The following GSTCD variants were observed in gnomAD, a reference collection of about 807,000 sequenced individuals.
GSTCD encodes the protein glutathione S-transferase C-terminal domain containing.
In GSTCD, 44 loss-of-function variants were observed where a neutral mutation model predicts 68.3. The ratio of observed to expected loss-of-function variants is 0.64; its 90% CI spans 0.51 to 0.83. The LOEUF (loss-of-function observed/expected upper bound fraction) is 0.83, where lower values mean the gene tolerates loss of function less well. Among genes scored for constraint, GSTCD ranks in the 40% least tolerant of loss-of-function variants. The pLI, the probability that GSTCD is intolerant of heterozygous loss-of-function variation, is 0.00. For missense variants in GSTCD, 739 were observed against 735.9 expected (o/e 1.00, Z -0.05); for synonymous variants, 273 against 255.2 (o/e 1.07, Z -0.67).
intron 5 of GSTCD, among the ~76,000 whole-genome samples, chr4:105,809,947 G>T (rs911119327): frequency 1.3e-5 from 2 of 151,614 alleles, no homozygotes; most frequent in Non-Finnish European, 2.9e-5. Context: ...TCAGTATTTG[G>T]ATATGATTCC....
intron 5 of GSTCD, among the ~76,000 whole-genome samples, chr4:105,735,356 A>C (rs1733423012): frequency 6.6e-6 from 1 of 152,030 alleles, no homozygotes; most frequent in Admixed American, 6.6e-5. Context: ...TTGTTTACCT[A>C]CTCAAGCCTC....
At chr4:105,753,154 A>G (rs1376590141) in intron 5 of GSTCD, 1 of 152,114 alleles carries the variant, frequency 6.6e-6, no homozygotes, top group Non-Finnish European at 1.5e-5. Flanking sequence ...ATGTTTTAGA[A>G]TGAGGCAGCT....
At chr4:105,774,042 G>A (rs977377197) in intron 5 of GSTCD, among the ~76,000 whole-genome samples, 1 of 152,146 alleles carries the variant, frequency 6.6e-6, no homozygotes, top group South Asian at 2.1e-4. Context: ...GGGTGCTCCT[G>A]TATTGGGTGC....
chr4:105,797,795 GAC>G (rs1735959601), intron 5 of GSTCD, among the ~76,000 whole-genome samples: 3 of 91,046 alleles, frequency 3.3e-5, no homozygotes, highest in Non-Finnish European at 5.9e-5. Flanking sequence ...TTTTTTTTGA[GAC>G]AGAGTCTTGC....
At chr4:105,790,535 G>A (rs923187637) in intron 5 of GSTCD, among the ~76,000 whole-genome samples, 14 of 152,034 alleles carry the variant, frequency 9.2e-5, no homozygotes, top group African/African-American at 3.4e-4. Context: ...CAGCTACTCA[G>A]GAGGCTGAGG....
chr4:105,741,550 C>T (rs932895399), intron 5 of GSTCD, among the ~76,000 whole-genome samples: 7 of 151,976 alleles, frequency 4.6e-5, no homozygotes, highest in Non-Finnish European at 8.8e-5. Flanking sequence ...TTCTAAATGC[C>T]ACATGTTTTG....
chr4:105,734,215 T>A (rs944279049), intron 5 of GSTCD, among the ~76,000 whole-genome samples: 2 of 152,222 alleles, frequency 1.3e-5, no homozygotes, highest in African/African-American at 4.8e-5. Flanking sequence ...CCGTATTTCC[T>A]GAATTTGAAT....
At chr4:105,802,160 A>G (rs1475425162) in intron 5 of GSTCD, among the ~76,000 whole-genome samples, 1 of 152,116 alleles carries the variant, frequency 6.6e-6, no homozygotes, top group Admixed American at 6.6e-5. Context: ...TTGGCACATC[A>G]TGATATTGTT....
chr4:105,795,466 T>A (rs1440486580), intron 5 of GSTCD, among the ~76,000 whole-genome samples: 1 of 152,112 alleles, frequency 6.6e-6, no homozygotes, highest in African/African-American at 2.4e-5. Context: ...GAGCAGAATC[T>A]CTAATCCAGT....
chr4:105,752,794 T>C (rs1734052137), intron 5 of GSTCD, among the ~76,000 whole-genome samples: 1 of 152,104 alleles, frequency 6.6e-6, no homozygotes, highest in South Asian at 2.1e-4. Context: ...TAATACTATT[T>C]TTAAGTATTA....
intron 5 of GSTCD, among the ~76,000 whole-genome samples, chr4:105,797,045 C>CAT (rs1553963637): frequency 5.7e-5 from 8 of 140,324 alleles, no homozygotes; most frequent in Non-Finnish European, 3.2e-5. Flanking sequence ...GACAGAGATA[C>CAT]ATGTGTGTGT....
chr4:105,841,863 A>T (rs1724357004), intron 10 of GSTCD, among the ~76,000 whole-genome samples: 1 of 152,178 alleles, frequency 6.6e-6, no homozygotes, highest in African/African-American at 2.4e-5. Flanking sequence ...AAACAAAAAA[A>T]TACAGTGTAC....
chr4:105,813,253 A>T (rs1315381690), intron 5 of GSTCD, among the ~76,000 whole-genome samples: 1 of 152,258 alleles, frequency 6.6e-6, no homozygotes, highest in Non-Finnish European at 1.5e-5. Flanking sequence ...TAGTGCTAAT[A>T]CCAGCAAATA....
At chr4:105,742,403 G>A (rs1361100573) in intron 5 of GSTCD, among the ~76,000 whole-genome samples, 1 of 152,002 alleles carries the variant, frequency 6.6e-6, no homozygotes, top group Admixed American at 6.6e-5. Flanking sequence ...CAATTCAAAC[G>A]CTGCTTCCTT....
In GSTCD at chr4:105,794,893, A is replaced by G. The variant is rs1319401270; in HGVS notation, c.1241-28061A>G. 1.5e-5 allele frequency among the ~76,000 whole-genome samples: 2 copies of G among 137,730 alleles called. 1 individual carries two copies. The highest frequency in any genetic ancestry group is 5.3e-5 in the African/African-American group (2 of 38,014). 90.4% of individuals were successfully genotyped at this position (137,730 alleles called of 152,430 possible). A position where few individuals can be genotyped will look rare whatever the true frequency, so the allele number is the denominator to read the frequency against. On this transcript the variant is annotated intron_variant, in intron 5 of 11. Coordinates refer to ENST00000515279, the MANE Select transcript of GSTCD (RefSeq NM_001370181.1). ...TATCTATCTATCTATCTATCTATCT[A>G]TGAGACAGAGTCTCACTCTGTCGCC...
intron 7 of GSTCD, among the ~76,000 whole-genome samples, chr4:105,823,877 G>A (rs776650455): frequency 1.3e-4 from 19 of 151,968 alleles, no homozygotes; most frequent in Admixed American, 3.9e-4. Context: ...ATAGTTTTAC[G>A]TATCATCATA....
At chr4:105,768,558 A>T (rs566952796) in intron 5 of GSTCD, among the ~76,000 whole-genome samples, 72 of 152,206 alleles carry the variant, frequency 4.7e-4, no homozygotes, top group Non-Finnish European at 7.8e-4. Context: ...TCTTTTATAT[A>T]TTTGAGGTTT....
chr4:105,831,636 T>C lies in GSTCD; in HGVS notation c.1531-2825T>C, dbSNP rs140040278. ...CTTGCTCATTTTACTCTCACTTTAT[T>C]GGGCTTTTTCTTTCTTTTTAGAAGT... On this transcript the variant is annotated intron_variant, in intron 8 of 11. Transcript: ENST00000515279. 2.1e-3 allele frequency among the ~76,000 whole-genome samples: 318 copies of C among 152,350 alleles called. 2 individuals carry two copies. The highest frequency in any genetic ancestry group is 7.3e-3 in the African/African-American group (304 of 41,580).
At chr4:105,839,111 C>A (rs1374296813) in intron 10 of GSTCD, among the ~76,000 whole-genome samples, 1 of 152,136 alleles carries the variant, frequency 6.6e-6, no homozygotes, top group African/African-American at 2.4e-5. Flanking sequence ...CTACCAACCC[C>A]GCACCCTGTA....
Sources: gnomAD v4.1 joint callset for allele counts (sites outside exome capture counted in the v4.1 genomes callset) on GRCh38, gnomAD v4.1.1 for gene constraint, MANE v1.5 for transcripts, NCBI Gene and HGNC (gene_info 2026-07-23, HGNC 2026-07-21) for gene names.